GABRE: variants seen among roughly 807,000 people sequenced by gnomAD.
GABRE encodes gamma-aminobutyric acid receptor subunit epsilon.
A neutral mutation model predicts 31.0 loss-of-function variants in GABRE; 20 were observed. The ratio of observed to expected loss-of-function variants is 0.64; its 90% confidence interval spans 0.45 to 0.94. GABRE has a LOEUF of 0.94. GABRE is among the 40% of genes least tolerant of loss of function. The probability of loss-of-function intolerance (pLI) is 0.00; values close to 1 mark genes in which losing one functional copy is unlikely to be tolerated. For synonymous variants in GABRE, 155 were observed against 150.6 expected (o/e 1.03, Z -0.21); for missense variants, 420 against 410.7 (o/e 1.02, Z -0.20).
Position 151,962,574 on chromosome X carries a change from C to T in GABRE, c.412G>A (p.Glu138Lys), listed in dbSNP as rs1934415706. ...ACATTGCCATTCAGAACAAGAGACT[C>T]AAAGGTGTCGTTGTAACAGAGGCGT... ...DERLCYNDTF[E>K]SLVLNGNVVS... is the part of the protein sequence containing the mutation. The change falls in exon 4 of 9, where the codon GAG (glutamate) becomes AAG (lysine). Residue 138 changes from glutamate to lysine, a missense_variant. Glu to Lys is a moderately conservative substitution (Grantham distance 56). Transcript: ENST00000370328. 1 of 1,211,451 alleles carries T rather than the reference C, an allele frequency of 8.3e-7. No homozygotes were observed. Among genetic ancestry groups the T allele is most frequent in the Non-Finnish European group, 1.1e-6 (1 of 895,366 alleles).
At chrX:151,972,009 C>A (rs1254038199) in intron 1 of GABRE, 31 of 742,858 alleles carry the variant, frequency 4.2e-5, no homozygotes, top group Non-Finnish European at 4.9e-5. Flanking sequence ...CTCATGATGT[C>A]TATGCTTTTC....
In GABRE at chrX:151,974,565, C is replaced by A. The variant is rs1180455839; in HGVS notation, c.56+5G>T. 6.0e-6 allele frequency: 7 copies of A among 1,162,290 alleles called. No homozygotes were observed. The highest frequency in any genetic ancestry group is 8.1e-6 in the Non-Finnish European group (7 of 868,092). On this transcript the variant is annotated splice_donor_5th_base_variant and intron_variant, in intron 1 of 8. Coordinates refer to ENST00000370328, the MANE Select transcript of GABRE (RefSeq NM_004961.4). ...GGGCTCCCGGGTCCCGGGATGGAGA[C>A]TCACCTCGACTGGAGGATCAATAAG...
chrX:151,969,891 A>C, intron 2 of GABRE, 155 bp from the exon 3 acceptor site: 2 of 1,084,799 alleles, frequency 1.8e-6, no homozygotes, highest in Non-Finnish European at 2.4e-6. Flanking sequence ...CTTTCATGGC[A>C]AAACCAAGCT....
At chrX:151,955,902 C>T (rs757554305) in intron 6 of GABRE, 42 bp from the exon 7 acceptor site, 16 of 1,177,783 alleles carry the variant, frequency 1.4e-5, no homozygotes, top group South Asian at 1.1e-4. Context: ...AGTGCTGACA[C>T]GACGGTCCCC....
intron 1 of GABRE, 99 bp downstream of exon 1, chrX:151,974,471 C>T: frequency 1.8e-6 from 1 of 565,467 alleles, no homozygotes; most frequent in South Asian, 3.5e-5. Flanking sequence ...GCGCGGGGCT[C>T]GAGGAACGCG....
intron 1 of GABRE, chrX:151,972,038 C>A (rs1316927883): frequency 1.3e-6 from 1 of 750,354 alleles, no homozygotes; most frequent in African/African-American, 2.4e-5. Flanking sequence ...CGTCACACTT[C>A]CAAAAGGATT....
At chrX:151,971,505 G>A in intron 1 of GABRE, 4 of 151,371 alleles carry the variant, frequency 2.6e-5, no homozygotes, top group Non-Finnish European at 5.2e-5. Flanking sequence ...GTGTAATTAT[G>A]GTATTTTCTT....
At chrX:151,966,548 C>T (rs180866752) in intron 3 of GABRE, among the ~76,000 whole-genome samples, 7 of 112,170 alleles carry the variant, frequency 6.2e-5, no homozygotes, top group East Asian at 5.6e-4. Context: ...CATATCCTAA[C>T]GGCAGCTTTG....
At chrX:151,964,687 C>A (rs1205012453) in intron 3 of GABRE, among the ~76,000 whole-genome samples, 1 of 111,795 alleles carries the variant, frequency 8.9e-6, no homozygotes, top group Non-Finnish European at 1.9e-5. Flanking sequence ...TGATTGCATA[C>A]AGTGGAGTTT....
intron 6 of GABRE, chrX:151,959,066 C>A (rs1275531132): frequency 3.0e-6 from 1 of 330,727 alleles, no homozygotes; most frequent in South Asian, 2.6e-5. Context: ...CTGCCCTGAA[C>A]TTGGTCAGGA....
chrX:151,966,324 G>A (rs966849247), intron 3 of GABRE, among the ~76,000 whole-genome samples: 1 of 111,870 alleles, frequency 8.9e-6, no homozygotes, highest in Non-Finnish European at 1.9e-5. Flanking sequence ...GATGGGCAGC[G>A]ATTCCCAGAT....
In GABRE at chrX:151,969,918, T is replaced by C; in HGVS notation, c.275-182A>G. 5 of 1,076,729 alleles carry C rather than the reference T, an allele frequency of 4.6e-6. 1 individual carries two copies. In the South Asian group the frequency reaches 7.7e-5, roughly 17 times the overall value. 88.7% of individuals were successfully genotyped at this position (1,076,729 alleles called of 1,213,427 possible). A position where few individuals can be genotyped will look rare whatever the true frequency, so the allele number is the denominator to read the frequency against. Reference sequence around the variant, plus strand: ...AACCAAGCTCACGGACTGTTAAGAATTGGACACACATCTTGAAGATCAACA... The same window carrying C: ...AACCAAGCTCACGGACTGTTAAGAACTGGACACACATCTTGAAGATCAACA... On this transcript the variant is annotated intron_variant, in intron 2 of 8. Transcript: ENST00000370328.
chrX:151,972,897 A>T (rs1184810994), intron 1 of GABRE, among the ~76,000 whole-genome samples: 1 of 110,708 alleles, frequency 9.0e-6, no homozygotes, highest in Non-Finnish European at 1.9e-5. Flanking sequence ...TTTCCAGGGC[A>T]GTTTTTCAGA....
At chrX:151,972,999 G>A (rs1027280564) in intron 1 of GABRE, among the ~76,000 whole-genome samples, 1 of 108,618 alleles carries the variant, frequency 9.2e-6, no homozygotes, top group African/African-American at 3.3e-5. Flanking sequence ...GGTGTGAGAA[G>A]TGGGGGGGGG....
chrX:151,968,805 C>G (rs1170837320), intron 3 of GABRE, among the ~76,000 whole-genome samples: 2 of 111,940 alleles, frequency 1.8e-5, no homozygotes, highest in South Asian at 3.8e-4. Context: ...CGACATACCA[C>G]AGATAATTAC....
chrX:151,974,424 G>T, intron 1 of GABRE, 146 bp downstream of exon 1: 1 of 378,150 alleles, frequency 2.6e-6, no homozygotes, highest in Non-Finnish European at 4.5e-6. Context: ...GGGGACGCGG[G>T]ACTCGGCCAG....
At chrX:151,972,130 A>C in intron 1 of GABRE, 1 of 753,054 alleles carries the variant, frequency 1.3e-6, no homozygotes, top group Non-Finnish European at 1.6e-6. Context: ...TGTATTGCGG[A>C]CCAAGGGACT....
At chrX:151,966,228 A>G (rs1023251213) in intron 3 of GABRE, among the ~76,000 whole-genome samples, 2 of 112,573 alleles carry the variant, frequency 1.8e-5, no homozygotes, top group African/African-American at 6.5e-5. Context: ...GCTCAGCCGA[A>G]ACTCTAGAAA....
rs200207983 is a variant in GABRE, at chrX:151,959,790, A to T, written c.784+49T>A. The T allele has an allele frequency of 6.8e-6, 8 of 1,178,138 alleles. No homozygotes were observed. The East Asian group carries it at 2.4e-4, about 35-fold the overall frequency. ...GCATTTGTATGGATGGCCATCTCCA[A>T]TCATCCCTACCACCTTCCTGGACTT... is the stretch of plus-strand genomic sequence containing the variant. On this transcript the variant is annotated intron_variant, in intron 6 of 8. Transcript: ENST00000370328.
Sources: gnomAD v4.1 joint callset for allele counts (sites outside exome capture counted in the v4.1 genomes callset) on GRCh38, gnomAD v4.1.1 for gene constraint, MANE v1.5 for transcripts, NCBI Gene and HGNC (gene_info 2026-07-23, HGNC 2026-07-21) for gene names.